The following SATB2 variants were observed in gnomAD, a reference collection of about 807,000 sequenced individuals.
SATB2 encodes SATB homeobox 2, also known as DNA-binding protein SATB2.
A neutral mutation model predicts 73.4 loss-of-function variants in SATB2; 1 was observed. That is an observed-to-expected ratio of 0.01 (90% CI 0.00 to 0.06). SATB2 has a LOEUF of 0.06. Among genes scored for constraint, SATB2 ranks in the 10% least tolerant of loss-of-function variants. The pLI, the probability that SATB2 is intolerant of heterozygous loss-of-function variation, is 1.00. For missense variants in SATB2, 459 were observed against 945.8 expected (o/e 0.49, Z 6.75); for synonymous variants, 397 against 367.0 (o/e 1.08, Z -0.93).
intron 3 of SATB2, among the ~76,000 whole-genome samples, chr2:199,415,699 G>A (rs758719703): frequency 6.6e-6 from 1 of 152,156 alleles, no homozygotes; most frequent in Non-Finnish European, 1.5e-5. Context: ...TGAGTGACCC[G>A]TGGCCCATCA....
intron 10 of SATB2, among the ~76,000 whole-genome samples, chr2:199,288,562 C>A (rs1692752748): frequency 6.6e-6 from 1 of 152,126 alleles, no homozygotes; most frequent in African/African-American, 2.4e-5. Flanking sequence ...GAAGTCAGAA[C>A]AATCTGACAG....
At chr2:199,306,765 G>A (rs915030096) in intron 10 of SATB2, among the ~76,000 whole-genome samples, 21 of 152,050 alleles carry the variant, frequency 1.4e-4, no homozygotes, top group Non-Finnish European at 1.5e-5. Context: ...GGCCCAACGA[G>A]ATGATAATTA....
In SATB2 at chr2:199,323,836, G is replaced by A. The variant is rs771083610; in HGVS notation, c.1509C>T (p.Ala503=). 7 of 1,613,402 alleles carry A rather than the reference G, an allele frequency of 4.3e-6. No individual in the cohort carries two copies. In the Admixed American group the frequency reaches 1.2e-4, roughly 27 times the overall value. ...QEMKRAKVSQ[A]LFAKVAANKS... ...TATTTGCAGCCACTTTGGCAAACAGGGCTTGAGACACCTTGGCCCTTTTCA... is the reference window on the plus strand; with the variant it reads ...TATTTGCAGCCACTTTGGCAAACAGAGCTTGAGACACCTTGGCCCTTTTCA... Residue 503 remains alanine (A), a synonymous_variant, in exon 9 of 11, where the codon GCC becomes GCT. Coordinates refer to ENST00000417098, the MANE Select transcript of SATB2 (RefSeq NM_001172509.2).
intron 6 of SATB2, among the ~76,000 whole-genome samples, chr2:199,367,015 T>G (rs1360558670): frequency 6.6e-6 from 1 of 152,132 alleles, no homozygotes; most frequent in Admixed American, 6.6e-5. Flanking sequence ...TCCAGCCTAT[T>G]AAAAGAGGAC....
chr2:199,374,962 G>A (rs1392301468), intron 5 of SATB2, among the ~76,000 whole-genome samples: 4 of 142,832 alleles, frequency 2.8e-5, no homozygotes, highest in Admixed American at 7.0e-5. Flanking sequence ...AGACTCCGTC[G>A]CAAAAAGAAA....
rs1189782163 is a variant in SATB2 at position 199,348,397 on chromosome 2, C to A, written c.1173+304G>T. 2.7e-5 allele frequency: 8 copies of A among 296,748 alleles called. No homozygotes were observed. The East Asian group carries it at 6.0e-4, about 22-fold the overall frequency. 18.4% of individuals were successfully genotyped at this position (296,748 alleles called of 1,614,324 possible). A position where few individuals can be genotyped will look rare whatever the true frequency, so the allele number is the denominator to read the frequency against. On this transcript the variant is annotated intron_variant, in intron 7 of 10. Coordinates refer to ENST00000417098, the MANE Select transcript of SATB2 (RefSeq NM_001172509.2). Reference sequence around the variant, plus strand: ...ACAAAATTCAAGATCAGGGTTACATCTGCAAACAGTAAATGGAGAGGATGA... The same window carrying A: ...ACAAAATTCAAGATCAGGGTTACATATGCAAACAGTAAATGGAGAGGATGA...
chr2:199,275,983 T>G (rs189040878), intron 10 of SATB2, among the ~76,000 whole-genome samples: 7 of 152,324 alleles, frequency 4.6e-5, no homozygotes, highest in Admixed American at 4.6e-4. Context: ...CTGTCCTAAC[T>G]ATCTGTATTC....
At chr2:199,348,201 C>T (rs961547403) in intron 7 of SATB2, 1 of 152,254 alleles carries the variant, frequency 6.6e-6, no homozygotes, top group African/African-American at 2.4e-5. Flanking sequence ...TTAAATCTAA[C>T]TTTTATGTTT....
upstream of SATB2, among the ~76,000 whole-genome samples, chr2:199,462,173 T>A (rs1261281740): frequency 3.3e-5 from 5 of 152,206 alleles, no homozygotes; most frequent in Non-Finnish European, 7.3e-5. This position sits in a 1 kb window ranked among gnomAD's most constrained non-coding sequence, Gnocchi z 5.9. Flanking sequence ...CAGGGAAAAC[T>A]ATGGGAATCG....
intron 3 of SATB2, among the ~76,000 whole-genome samples, chr2:199,427,301 T>A (rs1467775097): frequency 6.6e-6 from 1 of 152,056 alleles, no homozygotes; most frequent in Admixed American, 6.6e-5. Flanking sequence ...AGAATTTTTT[T>A]AAGTGTGAAA....
At chr2:199,355,318 AT>A (rs1049829830) in intron 6 of SATB2, among the ~76,000 whole-genome samples, 10 of 122,554 alleles carry the variant, frequency 8.2e-5, no homozygotes, top group African/African-American at 4.0e-4. Flanking sequence ...ATGTATATAC[AT>A]ATGTATGTGT....
chr2:199,334,513 C>T (rs1371954898), intron 7 of SATB2, among the ~76,000 whole-genome samples: 1 of 152,082 alleles, frequency 6.6e-6, no homozygotes, highest in African/African-American at 2.4e-5. Context: ...CTCATATGGG[C>T]CAACCATCCA....
chr2:199,409,210 T>C (rs1290546987), intron 3 of SATB2, among the ~76,000 whole-genome samples: 5 of 87,162 alleles, frequency 5.7e-5, no homozygotes, highest in Non-Finnish European at 1.4e-4. Flanking sequence ...ACTCTTGTTG[T>C]GCAGGCTAGA....
At chr2:199,462,077 C>G (rs2105966504), upstream of SATB2, among the ~76,000 whole-genome samples, 1 of 152,300 alleles carries the variant, frequency 6.6e-6, no homozygotes, top group East Asian at 1.9e-4. The surrounding 1 kb of genome is among the most constrained non-coding windows in gnomAD (Gnocchi z 5.9). Flanking sequence ...CCATGGCTTT[C>G]AAGTTCGGTC....
chr2:199,411,220 G>GAA (rs1208795404), intron 3 of SATB2, among the ~76,000 whole-genome samples: 1 of 127,904 alleles, frequency 7.8e-6, no homozygotes. Flanking sequence ...CCAGAAAAAA[G>GAA]AAAAAAAAAA....
chr2:199,312,681 T>C (rs912960522), intron 9 of SATB2, among the ~76,000 whole-genome samples: 2 of 152,176 alleles, frequency 1.3e-5, no homozygotes, highest in African/African-American at 2.4e-5. Context: ...AAAAAGCAGA[T>C]AGTGATAAAC....
At chr2:199,323,476 T>TAC (rs1553546876) in intron 9 of SATB2, among the ~76,000 whole-genome samples, 2,620 of 142,834 alleles carry the variant, frequency 0.018, 78 homozygotes, top group African/African-American at 0.064. Context: ...GTTTTGTTCA[T>TAC]ACACACACAC....
At chr2:199,315,966 A>G (rs1055082813) in intron 9 of SATB2, among the ~76,000 whole-genome samples, 15 of 152,130 alleles carry the variant, frequency 9.9e-5, no homozygotes, top group African/African-American at 3.4e-4. Flanking sequence ...TGACTCATAG[A>G]TTCTTGCAGC....
intron 2 of SATB2, among the ~76,000 whole-genome samples, chr2:199,445,155 A>G (rs1691927951): frequency 6.6e-6 from 1 of 152,242 alleles, no homozygotes; most frequent in African/African-American, 2.4e-5. Flanking sequence ...AATATCAAAC[A>G]CAAACCTACA....
Sources: gnomAD v4.1 joint callset for allele counts (sites outside exome capture counted in the v4.1 genomes callset) on GRCh38, gnomAD v4.1.1 for gene constraint, Gnocchi (gnomAD v3.1) non-coding constraint, MANE v1.5 for transcripts, NCBI Gene and HGNC (gene_info 2026-07-23, HGNC 2026-07-21) for gene names.